The following AGBL1 variants were observed in gnomAD, a reference collection of about 807,000 sequenced individuals.
The protein encoded by AGBL1 is cytosolic carboxypeptidase 4.
AGBL1 carries 130 observed loss-of-function variants against 118.9 expected under a neutral mutation model. The observed-to-expected ratio is 1.09, with a 90% confidence interval of 0.95 to 1.26. The LOEUF is 1.26. AGBL1 is among the 50% of genes most tolerant of loss of function. The pLI is 0.00. For missense variants in AGBL1, 1,584 were observed against 1,298.1 expected (o/e 1.22, Z -3.38); for synonymous variants, 555 against 478.9 (o/e 1.16, Z -2.08).
chr15:86,597,626 T>G (rs1286309926), intron 21 of AGBL1, among the ~76,000 whole-genome samples: 3 of 152,146 alleles, frequency 2.0e-5, no homozygotes, highest in Admixed American at 6.6e-5. Context: ...CTTGCAGTAT[T>G]CATGTCTTGT....
At chr15:86,177,399 A>G (rs2077495725) in intron 5 of AGBL1, among the ~76,000 whole-genome samples, 1 of 152,216 alleles carries the variant, frequency 6.6e-6, no homozygotes, top group Non-Finnish European at 1.5e-5. Flanking sequence ...GTAGAGAGAA[A>G]ATCAGTAAGA....
intron 5 of AGBL1, among the ~76,000 whole-genome samples, chr15:86,175,384 A>G (rs1414948939): frequency 1.3e-5 from 2 of 151,776 alleles, no homozygotes; most frequent in African/African-American, 4.8e-5. Flanking sequence ...TTCTGACTTT[A>G]TTTATTTGGG....
At chr15:86,576,584 A>G (rs1340300555) in intron 21 of AGBL1, among the ~76,000 whole-genome samples, 2 of 152,224 alleles carry the variant, frequency 1.3e-5, no homozygotes, top group African/African-American at 2.4e-5. Context: ...ACAGTTCACT[A>G]TATACAAAGA....
chr15:86,451,113 C>T (rs529067349), intron 18 of AGBL1, among the ~76,000 whole-genome samples: 33 of 152,286 alleles, frequency 2.2e-4, no homozygotes, highest in African/African-American at 7.9e-4. Context: ...AGACTCATTA[C>T]AGAACATTTT....
At chr15:86,973,275 C>A (rs2081130015) in intron 23 of AGBL1, among the ~76,000 whole-genome samples, 1 of 152,034 alleles carries the variant, frequency 6.6e-6, no homozygotes, top group South Asian at 2.1e-4. Context: ...TGAACAGTAT[C>A]ATCTTCCTAA....
intron 21 of AGBL1, among the ~76,000 whole-genome samples, chr15:86,649,355 GT>G (rs2085333412): frequency 1.3e-5 from 2 of 152,078 alleles, no homozygotes; most frequent in Non-Finnish European, 2.9e-5. Context: ...ATTGTTGAAG[GT>G]TTTAGGGGGA....
At chr15:86,999,224 ATATT>A (rs1332298104) in intron 24 of AGBL1, among the ~76,000 whole-genome samples, 1 of 150,556 alleles carries the variant, frequency 6.6e-6, no homozygotes, top group African/African-American at 2.4e-5. Flanking sequence ...TTTTATATAT[ATATT>A]TTTTATTATA....
At chr15:86,286,735 G>GTGTGTGTGTATATATATATATA in intron 16 of AGBL1, among the ~76,000 whole-genome samples, 1 of 106,252 alleles carries the variant, frequency 9.4e-6, no homozygotes, top group African/African-American at 3.9e-5. Context: ...GTTTGTGTGT[G>GTGTGTGTGTATATATATATATA]TATATATATA....
intron 6 of AGBL1, among the ~76,000 whole-genome samples, chr15:86,235,612 A>G (rs766259327): frequency 6.6e-6 from 1 of 152,262 alleles, no homozygotes; most frequent in Non-Finnish European, 1.5e-5. Flanking sequence ...ATTTATTTAC[A>G]TCAAGATGTA....
chr15:86,973,087 A>AAC (rs1370925981), intron 23 of AGBL1, among the ~76,000 whole-genome samples: 1 of 152,026 alleles, frequency 6.6e-6, no homozygotes. Context: ...GCATTTGTGT[A>AAC]ACAGTAGTAC....
chr15:86,262,078 C>CTTTTTGTTTTTTTTTTTTTTT (rs2078997460), intron 9 of AGBL1, among the ~76,000 whole-genome samples: 1 of 52,768 alleles, frequency 1.9e-5, no homozygotes, highest in Non-Finnish European at 3.6e-5. Context: ...GCATAGCTGG[C>CTTTTTGTTTTTTTTTTTTTTT]TTTTTTTTTT....
chr15:86,146,266 CT>C (rs1163900683), intron 3 of AGBL1, among the ~76,000 whole-genome samples: 1 of 152,244 alleles, frequency 6.6e-6, no homozygotes, highest in South Asian at 2.1e-4. Flanking sequence ...CATGTACAAA[CT>C]TTTTTCTTGT....
rs2081032104 is a variant in AGBL1, at chr15:86,375,636, C to T, written c.2375-21730C>T. ...TCCATCCCTAGTGTCTTTCATGGTA[C>T]CTGATGCAAAAAAGGTACTCGGCTG... On this transcript the variant is annotated intron_variant, in intron 17 of 22. Transcript: ENST00000614907. Among the ~76,000 whole-genome samples the T allele has an allele frequency of 1.3e-5, 2 of 152,122 alleles. 1 individual carries two copies. The highest frequency in any genetic ancestry group is 1.3e-4 in the Admixed American group (2 of 15,268).
chr15:86,994,719 T>C (rs2081365066), intron 24 of AGBL1, among the ~76,000 whole-genome samples: 1 of 152,146 alleles, frequency 6.6e-6, no homozygotes, highest in Non-Finnish European at 1.5e-5. Flanking sequence ...AAAAATCACA[T>C]ATACCCTTCT....
chr15:86,936,413 C>T (rs1341635771), intron 23 of AGBL1, among the ~76,000 whole-genome samples: 1 of 152,190 alleles, frequency 6.6e-6, no homozygotes, highest in Admixed American at 6.5e-5. Flanking sequence ...TATATTGACA[C>T]TTCCAAGGAA....
At chr15:86,341,629 CA>C (rs1375044371) in intron 17 of AGBL1, among the ~76,000 whole-genome samples, 2 of 152,132 alleles carry the variant, frequency 1.3e-5, no homozygotes, top group African/African-American at 4.8e-5. Flanking sequence ...TAGAACTTAT[CA>C]TTTCATGCCC....
chr15:86,748,290 T>G (rs2077788424), intron 22 of AGBL1, among the ~76,000 whole-genome samples: 1 of 152,106 alleles, frequency 6.6e-6, no homozygotes, highest in Non-Finnish European at 1.5e-5. Flanking sequence ...TTGAGAAGTG[T>G]CTGTTCATAT....
chr15:86,698,401 A>T (rs187104590), intron 22 of AGBL1, among the ~76,000 whole-genome samples: 14 of 152,102 alleles, frequency 9.2e-5, no homozygotes, highest in African/African-American at 3.4e-4. Flanking sequence ...GTGATTAAAC[A>T]CTTTGCCTCA....
At chr15:86,820,443 C>T (rs115195160) in intron 22 of AGBL1, among the ~76,000 whole-genome samples, 2,791 of 152,036 alleles carry the variant, frequency 0.018, 98 homozygotes, top group African/African-American at 0.064. Context: ...AACAAATTTA[C>T]ATGAGAAACA....
Sources: allele counts gnomAD v4.1 joint callset (sites outside exome capture counted in the v4.1 genomes callset), GRCh38; gene constraint gnomAD v4.1.1; transcripts MANE v1.5; gene names NCBI Gene and HGNC (gene_info 2026-07-23, HGNC 2026-07-21).